Variants in TRIM64C observed in about 807,000 individuals in gnomAD.
The protein encoded by TRIM64C is tripartite motif containing 64C, also known as tripartite motif-containing protein 64C.
A neutral mutation model predicts 36.1 loss-of-function variants in TRIM64C; 25 were observed. The observed-to-expected ratio is 0.69, with a 90% CI of 0.51 to 0.97. The LOEUF is 0.97. TRIM64C is among the 50% of genes least tolerant of loss of function. The pLI is 0.00. For missense variants in TRIM64C, 489 were observed against 536.8 expected (o/e 0.91, Z 0.88); for synonymous variants, 212 against 185.7 (o/e 1.14, Z -1.15).
At chr11:49,058,329 A>G (rs940087816) in intron 1 of TRIM64C, among the ~76,000 whole-genome samples, 157 bp from the exon 2 acceptor site, 1 of 151,876 alleles carries the variant, frequency 6.6e-6, no homozygotes, top group Non-Finnish European at 1.5e-5. Flanking sequence ...AATAATTTGG[A>G]TGTGAAAAGT....
chr11:49,057,503 G>T (rs1250707670), intron 2 of TRIM64C, 125 bp from the exon 3 acceptor site: 10 of 963,676 alleles, frequency 1.0e-5, no homozygotes, highest in Non-Finnish European at 1.6e-5. Flanking sequence ...AAAGAGTCTT[G>T]AATATTTGCT....
At chr11:49,055,185 A>G in intron 5 of TRIM64C, 125 bp downstream of exon 5, 7 of 1,170,944 alleles carry the variant, frequency 6.0e-6, no homozygotes, top group Non-Finnish European at 8.4e-6. Flanking sequence ...GAAGATGCAC[A>G]TGTTTTGGAA....
At chr11:49,054,621 C>A (rs1040168083) in intron 5 of TRIM64C, among the ~76,000 whole-genome samples, 1 of 152,068 alleles carries the variant, frequency 6.6e-6, no homozygotes, top group Admixed American at 6.6e-5. Flanking sequence ...TCTCAAACAT[C>A]AAAAATTTGG....
Position 49,058,803 on chromosome 11 carries a change from C to T in TRIM64C, c.310G>A (p.Glu104Lys). ...LHEETKELFC[E>K]ADKRLLCGPC... Reference sequence around the variant, plus strand: ...CCACAGAGCAATCTCTTGTCAGCCTCACAGAAGAGCTCCTTAGTCTCCTCA... The same window carrying T: ...CCACAGAGCAATCTCTTGTCAGCCTTACAGAAGAGCTCCTTAGTCTCCTCA... Residue 104 changes from glutamate to lysine, a missense_variant, in exon 1 of 6, where the codon GAG (glutamate) becomes AAG (lysine). By Grantham distance (56) the Glu-to-Lys change is moderately conservative. Transcript: ENST00000617704. 1.3e-6 allele frequency: 2 copies of T among 1,549,146 alleles called. No homozygotes were observed.
chr11:49,056,838 C>T (rs746727528), intron 3 of TRIM64C, among the ~76,000 whole-genome samples: 3 of 151,872 alleles, frequency 2.0e-5, no homozygotes, highest in Non-Finnish European at 4.4e-5. Context: ...GGAACTAGGG[C>T]ATATACATGG....
At chr11:49,055,180 T>C in intron 5 of TRIM64C, 130 bp downstream of exon 5, 2 of 1,093,650 alleles carry the variant, frequency 1.8e-6, no homozygotes, top group African/African-American at 1.6e-5. Context: ...GTAGAGAAGA[T>C]GCACATGTTT....
chr11:49,058,025 G>A (rs570416391), intron 2 of TRIM64C, 53 bp downstream of exon 2: 896 of 1,276,542 alleles, frequency 7.0e-4, no homozygotes, highest in Non-Finnish European at 8.8e-4. Context: ...AAAAGTATAA[G>A]CCAACTTTGT....
In TRIM64C at chr11:49,054,024, G is replaced by T. The variant is rs930469045; in HGVS notation, c.1043C>A (p.Thr348Asn). ...SGKHYWEVDVTHSSNWILGVC... is the reference protein window; with the variant it reads ...SGKHYWEVDVNHSSNWILGVC... ...TCCCAGAATCCAGTTGGAGGAGTGGGTCACATCCACTTCCCAGTAATGCTT... is the reference window on the plus strand; with the variant it reads ...TCCCAGAATCCAGTTGGAGGAGTGGTTCACATCCACTTCCCAGTAATGCTT... The change falls in exon 6 of 6, where the codon ACC becomes AAC. Residue 348 changes from threonine (T) to asparagine (N), a missense_variant. Coordinates refer to ENST00000617704, the MANE Select transcript of TRIM64C (RefSeq NM_001206631.1). 8.4e-6 allele frequency: 13 copies of T among 1,551,406 alleles called. No homozygotes were observed. The highest frequency in any genetic ancestry group is 1.7e-4 in the Middle Eastern group (1 of 6,008).
intron 2 of TRIM64C, 107 bp from the exon 3 acceptor site, chr11:49,057,485 A>G (rs1854827221): frequency 3.0e-5 from 35 of 1,157,640 alleles, no homozygotes; most frequent in Non-Finnish European, 5.0e-6. Flanking sequence ...TTTCTGCTTC[A>G]CTCTTGCAAA....
At position 49,057,331 on chromosome 11, in the gene TRIM64C, C is replaced by T; in HGVS notation, c.555G>A (p.Lys185=). ...CCTCCTCATCGAGAAATATATGCATCTTTTGATACTGAATAGTGATTATCA... is the reference window on the plus strand; with the variant it reads ...CCTCCTCATCGAGAAATATATGCATTTTTTGATACTGAATAGTGATTATCA... ...RKVIITIQYQ[K]MHIFLDEEEQ... Residue 185 remains lysine (K), a synonymous_variant, in exon 3 of 6, where the codon AAG becomes AAA. Coordinates refer to ENST00000617704, the MANE Select transcript of TRIM64C (RefSeq NM_001206631.1). 1 of 1,549,748 alleles carries T rather than the reference C, an allele frequency of 6.5e-7. No homozygotes were observed. The highest frequency in any genetic ancestry group is 8.7e-7 in the Non-Finnish European group (1 of 1,146,958).
At chr11:49,056,461 GT>G in intron 3 of TRIM64C, 80 bp from the exon 4 acceptor site, 1 of 1,152,964 alleles carries the variant, frequency 8.7e-7, no homozygotes, top group Non-Finnish European at 1.3e-6. Flanking sequence ...GTTTCTTTCT[GT>G]TTTAGTGTTT....
Position 49,054,065 on chromosome 11 carries a change from T to C in TRIM64C, c.1002A>G (p.Gln334=), listed in dbSNP as rs1236706848. The C allele has an allele frequency of 1.3e-6, 2 of 1,551,484 alleles. No individual in the cohort carries two copies. Among genetic ancestry groups the C allele is most frequent in the Non-Finnish European group, 1.7e-6 (2 of 1,146,854 alleles). The part of the protein sequence containing the change: ...GVESFAVWCA[Q]AFTSGKHYWE... ...AGTAATGCTTGCCGGAGGTGAATGC[T>C]TGCGCACACCACACAGCAAAGCTCT... The change falls in exon 6 of 6, where the codon CAA becomes CAG. Residue 334 remains glutamine, a synonymous_variant. Transcript: ENST00000617704.
At position 49,054,086 on chromosome 11, in the gene TRIM64C, G is replaced by A; in HGVS notation, c.981C>T (p.Ser327=). 1.9e-6 allele frequency: 3 copies of A among 1,551,580 alleles called. No homozygotes were observed. The highest frequency in any genetic ancestry group is 1.2e-5 in the South Asian group (1 of 84,048). The change falls in exon 6 of 6, where the codon AGC becomes AGT. Residue 327 remains serine (S), a synonymous_variant. Coordinates refer to ENST00000617704, the MANE Select transcript of TRIM64C (RefSeq NM_001206631.1). The part of the protein sequence containing the change: ...SAPMDPQGVE[S]FAVWCAQAFT... ...ATGCTTGCGCACACCACACAGCAAA[G>A]CTCTCCACTCCTTGGGGATCCATGG... is the stretch of plus-strand genomic sequence containing the variant.
chr11:49,056,212 C>T, intron 4 of TRIM64C, 147 bp downstream of exon 4: 2 of 640,894 alleles, frequency 3.1e-6, no homozygotes, highest in South Asian at 1.8e-5. Context: ...CTTTCCAAAC[C>T]AAAGAGAAGA....
At chr11:49,057,976 G>T in intron 2 of TRIM64C, 102 bp downstream of exon 2, 1 of 780,322 alleles carries the variant, frequency 1.3e-6, no homozygotes, top group South Asian at 1.7e-5. Context: ...TTCTTGAGGT[G>T]AAATCACTAT....
chr11:49,057,084 C>T, intron 3 of TRIM64C, 64 bp downstream of exon 3: 1 of 1,532,944 alleles, frequency 6.5e-7, no homozygotes. Flanking sequence ...ATGACATTTG[C>T]ATGTCCTGGC....
At chr11:49,058,222 T>A in intron 1 of TRIM64C, 50 bp from the exon 2 acceptor site, 2 of 1,219,820 alleles carry the variant, frequency 1.6e-6, no homozygotes, top group South Asian at 2.8e-5. Context: ...GTAGATCTTA[T>A]CCCTTTATCA....
chr11:49,058,473 T>G (rs1378440369), intron 1 of TRIM64C, among the ~76,000 whole-genome samples: 1 of 151,900 alleles, frequency 6.6e-6, no homozygotes, highest in Non-Finnish European at 1.5e-5. Flanking sequence ...CTCCATCCTA[T>G]ATGTTTGAAC....
At chr11:49,055,520 G>C (rs1422584219) in intron 4 of TRIM64C, 113 bp from the exon 5 acceptor site, 28 of 1,388,210 alleles carry the variant, frequency 2.0e-5, no homozygotes, top group Non-Finnish European at 2.5e-5. Flanking sequence ...TGCCGGTTTT[G>C]GTTAACTGGA....
Sources: gnomAD v4.1 joint callset for allele counts (sites outside exome capture counted in the v4.1 genomes callset) on GRCh38, gnomAD v4.1.1 for gene constraint, MANE v1.5 for transcripts, NCBI Gene and HGNC (gene_info 2026-07-23, HGNC 2026-07-21) for gene names.